Variants in TMEM117 observed in about 807,000 individuals in gnomAD.
TMEM117 encodes the protein transmembrane protein 117.
In TMEM117, 27 loss-of-function variants were observed where a neutral mutation model predicts 52.4. The observed-to-expected ratio is 0.51, with a 90% CI of 0.38 to 0.71. The LOEUF (loss-of-function observed/expected upper bound fraction) is 0.71. Ranked by LOEUF, TMEM117 falls within the 30% of genes least tolerant of loss-of-function variation. The pLI is 0.00. For synonymous variants in TMEM117, 215 were observed against 206.3 expected (o/e 1.04, Z -0.36); for missense variants, 556 against 630.5 (o/e 0.88, Z 1.26).
At chr12:44,189,189 A>G (rs2070539542) in intron 4 of TMEM117, among the ~76,000 whole-genome samples, 1 of 152,162 alleles carries the variant, frequency 6.6e-6, no homozygotes, top group Admixed American at 6.6e-5. Context: ...TTAATTTTTA[A>G]TACTTATTAA....
intron 3 of TMEM117, among the ~76,000 whole-genome samples, chr12:44,134,049 A>G (rs1426246495): frequency 6.6e-6 from 1 of 152,186 alleles, no homozygotes; most frequent in African/African-American, 2.4e-5. Context: ...TCAACACTTT[A>G]TATTTCAAAA....
chr12:43,977,581 T>A (rs958675791), intron 3 of TMEM117, among the ~76,000 whole-genome samples: 5 of 152,208 alleles, frequency 3.3e-5, no homozygotes, highest in African/African-American at 1.2e-4. Flanking sequence ...TATTTAAATT[T>A]AAAAAATTAA....
chr12:43,980,625 T>A (rs568186615), intron 3 of TMEM117, among the ~76,000 whole-genome samples: 101 of 151,438 alleles, frequency 6.7e-4, no homozygotes, highest in African/African-American at 2.2e-3. Flanking sequence ...TTACTGACTG[T>A]GCAGTCTCTT....
At chr12:43,824,574 C>A in the TMEM117 span, among the ~76,000 whole-genome samples, 1 of 152,118 alleles carries the variant, frequency 6.6e-6, no homozygotes, top group African/African-American at 2.4e-5. Flanking sequence ...CTCAGGGAAA[C>A]CTTGAGATCT....
chr12:44,097,069 C>G (rs1252491978), intron 3 of TMEM117, among the ~76,000 whole-genome samples: 2 of 152,178 alleles, frequency 1.3e-5, no homozygotes, highest in African/African-American at 4.8e-5. Flanking sequence ...TGAACAGACA[C>G]TTCTCAAAGG....
intron 4 of TMEM117, among the ~76,000 whole-genome samples, chr12:44,184,387 T>G (rs1427842720): frequency 6.6e-6 from 1 of 152,010 alleles, no homozygotes; most frequent in Non-Finnish European, 1.5e-5. Flanking sequence ...TAGCCTGGAT[T>G]GTTTGGATGA....
At chr12:43,873,695 A>G (rs73096997) in intron 2 of TMEM117, among the ~76,000 whole-genome samples, 5,559 of 150,666 alleles carry the variant, frequency 0.037, 123 homozygotes, top group Non-Finnish European at 0.042. Context: ...GTATCTTTCC[A>G]GTTAGTTTTA....
intron 2 of TMEM117, among the ~76,000 whole-genome samples, chr12:43,903,607 A>G (rs1456064222): frequency 6.6e-6 from 1 of 152,220 alleles, no homozygotes; most frequent in Admixed American, 6.5e-5. Flanking sequence ...ATAAAGGAGC[A>G]TTTATAGCCT....
chr12:44,118,172 G>A (rs1159847470), intron 3 of TMEM117, among the ~76,000 whole-genome samples: 1 of 151,986 alleles, frequency 6.6e-6, no homozygotes, highest in Non-Finnish European at 1.5e-5. Flanking sequence ...AAACTTTCAT[G>A]GTTAAAAAGC....
At chr12:44,308,677 T>C (rs1442088647) in intron 6 of TMEM117, among the ~76,000 whole-genome samples, 1 of 151,152 alleles carries the variant, frequency 6.6e-6, no homozygotes, top group Non-Finnish European at 1.5e-5. Flanking sequence ...TGGAGTGCAG[T>C]GGCGCCATCT....
intron 5 of TMEM117, among the ~76,000 whole-genome samples, chr12:44,244,760 C>G (rs773204759): frequency 6.6e-6 from 1 of 151,912 alleles, no homozygotes; most frequent in Non-Finnish European, 1.5e-5. Context: ...TACAAAAAAT[C>G]ATTGCCCAGA....
chr12:44,336,992 G>C (rs1328072900), intron 6 of TMEM117, among the ~76,000 whole-genome samples: 2 of 152,052 alleles, frequency 1.3e-5, no homozygotes, highest in African/African-American at 4.8e-5. Context: ...TTTTAAAACA[G>C]TGTTTGAAAC....
intron 2 of TMEM117, among the ~76,000 whole-genome samples, chr12:43,847,912 G>A (rs1943237616): frequency 6.6e-6 from 1 of 152,098 alleles, no homozygotes; most frequent in Non-Finnish European, 1.5e-5. Context: ...ATAAAGAGAG[G>A]AATTTTACAG....
At chr12:44,263,519 T>C (rs1950344253) in intron 5 of TMEM117, 1 of 152,228 alleles carries the variant, frequency 6.6e-6, no homozygotes, top group South Asian at 2.1e-4. Context: ...TATAAATCAT[T>C]CTACCATAAA....
rs796991000 is a variant in TMEM117, at chr12:44,379,187, AAAGG to A, written c.898+2483_898+2486del. Among the ~76,000 whole-genome samples, 211 of 150,716 alleles carry A rather than the reference AAAGG, an allele frequency of 1.4e-3. 1 individual carries two copies. Among genetic ancestry groups the A allele is most frequent in the African/African-American group, 2.9e-3 (118 of 41,150 alleles). ...GGAAGGAGGGAGGGAAGGAAGGAAG[AAAGG>A]AAGGAAGGAAGGAAGGAAGTTTGGC... On this transcript the variant is annotated intron_variant, in intron 7 of 7. Coordinates refer to ENST00000266534, the MANE Select transcript of TMEM117 (RefSeq NM_032256.3).
At chr12:44,072,838 TC>T (rs1947322988) in intron 3 of TMEM117, among the ~76,000 whole-genome samples, 2 of 152,284 alleles carry the variant, frequency 1.3e-5, no homozygotes, top group South Asian at 4.1e-4. Flanking sequence ...ACGCCTGTAA[TC>T]CCAGCACTTT....
intron 3 of TMEM117, among the ~76,000 whole-genome samples, chr12:44,054,205 T>C (rs1947016451): frequency 6.6e-6 from 1 of 152,206 alleles, no homozygotes. Flanking sequence ...TATTTTCCTA[T>C]TTTGGAAGGT....
intron 2 of TMEM117, chr12:43,845,130 A>G: frequency 3.5e-6 from 2 of 567,666 alleles, no homozygotes; most frequent in Non-Finnish European, 5.8e-6. Flanking sequence ...AAGGAAAATT[A>G]GCACGAGGTA....
chr12:43,857,655 C>G (rs918358000), intron 2 of TMEM117, among the ~76,000 whole-genome samples: 4 of 152,152 alleles, frequency 2.6e-5, no homozygotes, highest in African/African-American at 9.7e-5. Flanking sequence ...TTTGCTTATT[C>G]TTCAAATAAA....
Sources: gnomAD v4.1 joint callset for allele counts (sites outside exome capture counted in the v4.1 genomes callset) on GRCh38, gnomAD v4.1.1 for gene constraint, MANE v1.5 for transcripts, NCBI Gene and HGNC (gene_info 2026-07-23, HGNC 2026-07-21) for gene names.